The following SLC44A2 variants were observed in gnomAD, a reference collection of about 807,000 sequenced individuals.
The protein encoded by SLC44A2 is choline transporter-like protein 2.
Under a neutral mutation model 90.8 loss-of-function variants are expected in SLC44A2, and 57 were observed. That is an observed-to-expected ratio of 0.63 (90% CI 0.51 to 0.78). The LOEUF (loss-of-function observed/expected upper bound fraction) is 0.78, where lower values mean the gene tolerates loss of function less well. Ranked by LOEUF, SLC44A2 falls within the 30% of genes least tolerant of loss-of-function variation. The pLI is 0.00. For synonymous variants in SLC44A2, 355 were observed against 360.7 expected (o/e 0.98, Z 0.18); for missense variants, 794 against 919.7 (o/e 0.86, Z 1.77).
At chr19:10,606,345 G>T (rs747438986) in intron 1 of SLC44A2, among the ~76,000 whole-genome samples, 6 of 152,004 alleles carry the variant, frequency 3.9e-5, no homozygotes, top group Admixed American at 6.6e-5. Context: ...ATACAATTCA[G>T]CCTGCAGTGA....
chr19:10,631,187 T>A (rs763856450), intron 5 of SLC44A2, 46 bp downstream of exon 5: 3 of 1,606,570 alleles, frequency 1.9e-6, no homozygotes, highest in Non-Finnish European at 2.6e-6. Context: ...CCGCTTCCCA[T>A]CCTTTTCCCC....
At chr19:10,615,936 G>A (rs754299576) in intron 1 of SLC44A2, among the ~76,000 whole-genome samples, 5 of 151,890 alleles carry the variant, frequency 3.3e-5, no homozygotes, top group Admixed American at 6.6e-5. Context: ...CGGCCAAAGC[G>A]GGATTGCCTG....
rs369165882 is a variant in SLC44A2, at chr19:10,631,783, C to T, written c.626+34C>T. On this transcript the variant is annotated intron_variant, in intron 8 of 21. Coordinates refer to ENST00000335757, the MANE Select transcript of SLC44A2 (RefSeq NM_020428.4). ...ATTGGCGCACCGCGCCAGGGTCTCA[C>T]TTTGCTGGGTGGGACAGGCAATCCC... 2.5e-6 allele frequency: 4 copies of T among 1,614,000 alleles called. No homozygotes were observed. In the African/African-American group the frequency reaches 4.0e-5, roughly 16 times the overall value.
At chr19:10,608,452 C>CT (rs1321687840) in intron 1 of SLC44A2, among the ~76,000 whole-genome samples, 1 of 151,924 alleles carries the variant, frequency 6.6e-6, no homozygotes, top group East Asian at 1.9e-4. Context: ...TTATTTTAAA[C>CT]TTTTTTTCGA....
Position 10,636,981 on chromosome 19 carries a change from C to T in SLC44A2, c.1591+225C>T, listed in dbSNP as rs117962350. 545 of 516,850 alleles carry T rather than the reference C, an allele frequency of 1.1e-3. 5 individuals carry two copies. The East Asian group carries it at 0.017, about 16-fold the overall frequency. The allele number at this position is 516,850 out of a possible 1,614,324, so 32.0% of individuals were successfully genotyped here. ...GAATTCTTGCTGTTGAGGGGACAGG[C>T]CCAAGAGGCCTGGCCCACCATTGGT... On this transcript the variant is annotated intron_variant, in intron 16 of 21. Transcript: ENST00000335757.
intron 10 of SLC44A2, among the ~76,000 whole-genome samples, chr19:10,632,927 C>T (rs2067013330): frequency 6.6e-6 from 1 of 151,888 alleles, no homozygotes. Flanking sequence ...CCGCTTCAGC[C>T]TCCCAAAGTG....
intron 14 of SLC44A2, 117 bp from the exon 15 acceptor site, chr19:10,636,206 A>G: frequency 8.1e-7 from 1 of 1,239,322 alleles, no homozygotes; most frequent in Non-Finnish European, 1.1e-6. Flanking sequence ...CCTTAACTTC[A>G]ATCCCTATGT....
chr19:10,609,115 G>A (rs1348367451), intron 1 of SLC44A2, among the ~76,000 whole-genome samples: 7 of 151,180 alleles, frequency 4.6e-5, no homozygotes, highest in East Asian at 3.9e-4. Flanking sequence ...GTGCCACCAC[G>A]CCCAGCTAAT....
At chr19:10,620,098 C>T (rs1390368115) in intron 1 of SLC44A2, among the ~76,000 whole-genome samples, 2 of 152,052 alleles carry the variant, frequency 1.3e-5, no homozygotes, top group African/African-American at 4.8e-5. Context: ...ATCACTCGAG[C>T]CCAGCAGGTG....
chr19:10,637,031 T>A, intron 16 of SLC44A2: 1 of 441,020 alleles, frequency 2.3e-6, no homozygotes, highest in Non-Finnish European at 4.1e-6. Context: ...ATTGGAGTGG[T>A]ATATATTTGC....
At chr19:10,607,387 C>G (rs938575945) in intron 1 of SLC44A2, among the ~76,000 whole-genome samples, 2 of 151,950 alleles carry the variant, frequency 1.3e-5, no homozygotes, top group African/African-American at 2.4e-5. Flanking sequence ...ACTCTGTCAC[C>G]CAGGCTGGGC....
At chr19:10,614,642 T>TAA (rs1261230826) in intron 1 of SLC44A2, among the ~76,000 whole-genome samples, 1 of 152,176 alleles carries the variant, frequency 6.6e-6, no homozygotes, top group Non-Finnish European at 1.5e-5. Context: ...CTCTGTATTA[T>TAA]ATATATCGTA....
At chr19:10,618,565 C>T (rs1419721757) in intron 1 of SLC44A2, among the ~76,000 whole-genome samples, 4 of 150,000 alleles carry the variant, frequency 2.7e-5, no homozygotes, top group Admixed American at 6.7e-5. Context: ...CTGCAAGCTC[C>T]GCCTCCCTGG....
chr19:10,638,242 T>G lies in SLC44A2; in HGVS notation c.1856T>G (p.Phe619Cys). Reference protein sequence around the residue: ...IVGSVGILAFFFFTHRIRIVQ... With the variant: ...IVGSVGILAFCFFTHRIRIVQ... ...CCTTCTCCAGGGATCCTGGCTTTCTTCTTCTTCACCCACCGTATCAGGATC... is the reference window on the plus strand; with the variant it reads ...CCTTCTCCAGGGATCCTGGCTTTCTGCTTCTTCACCCACCGTATCAGGATC... The change falls in exon 20 of 22, where the codon TTC (phenylalanine) becomes TGC (cysteine). Residue 619 changes from phenylalanine (F) to cysteine (C), a missense_variant. Around this residue, in one of 3 missense-constraint regions of SLC44A2, gnomAD observed 738 missense variants for 841.1 expected, o/e 0.88. Transcript: ENST00000335757. 1 of 1,614,090 alleles carries G rather than the reference T, an allele frequency of 6.2e-7. No individual in the cohort carries two copies. The highest frequency in any genetic ancestry group is 8.5e-7 in the Non-Finnish European group (1 of 1,180,026).
At position 10,629,261 on chromosome 19, in the gene SLC44A2, CTATTAT is replaced by C. The variant is rs6146468; in HGVS notation, c.245+1272_245+1277del. Among the ~76,000 whole-genome samples the C allele has an allele frequency of 4.8e-5, 7 of 144,378 alleles. No individual in the cohort carries two copies. The Admixed American group carries it at 4.9e-4, about 10-fold the overall frequency. The allele number at this position is 144,378 out of a possible 152,430, so 94.7% of individuals were successfully genotyped here. A position where few individuals can be genotyped will look rare whatever the true frequency, so the allele number is the denominator to read the frequency against. On this transcript the variant is annotated intron_variant, in intron 4 of 21. Transcript: ENST00000335757. The stretch of plus-strand genomic sequence containing the variant: ...AGTTGCTGATGCTGCAGTTTTTAAA[CTATTAT>C]TATTATTATTATTACTATTATTATT...
upstream of SLC44A2, among the ~76,000 whole-genome samples, chr19:10,621,906 T>C (rs769977504): frequency 6.6e-6 from 1 of 152,146 alleles, no homozygotes; most frequent in East Asian, 1.9e-4. Flanking sequence ...CGTGAGCCAC[T>C]GCGCCTGGCC....
Position 10,613,913 on chromosome 19 carries a change from G to T in SLC44A2, c.31+11352G>T, listed in dbSNP as rs564285192. On this transcript the variant is annotated intron_variant, in intron 1 of 21. Transcript: ENST00000407327. The stretch of plus-strand genomic sequence containing the variant: ...ATTGTAGCCCAGTGAGATGCATTTT[G>T]TGCTTCTGTCCTCCTGAGCTGTGAG... 5.9e-4 allele frequency among the ~76,000 whole-genome samples: 89 copies of T among 152,136 alleles called. 1 individual carries two copies. Among genetic ancestry groups the T allele is most frequent in the Non-Finnish European group, 1.2e-3 (81 of 67,988 alleles).
At chr19:10,636,992 T>G in intron 16 of SLC44A2, 8 of 519,500 alleles carry the variant, frequency 1.5e-5, no homozygotes, top group East Asian at 3.3e-5. Flanking sequence ...CCAAGAGGCC[T>G]GGCCCACCAT....
Position 10,616,357 on chromosome 19 carries a change from A to G in SLC44A2, c.32-9896A>G, listed in dbSNP as rs548962674. Reference sequence around the variant, plus strand: ...AAGATTCTCTCACCTCAGGCTCGCAAGTAGCTGGGACTACAAAGGCATGTC... The same window carrying G: ...AAGATTCTCTCACCTCAGGCTCGCAGGTAGCTGGGACTACAAAGGCATGTC... On this transcript the variant is annotated intron_variant, in intron 1 of 21. Transcript: ENST00000407327. 4.6e-5 allele frequency among the ~76,000 whole-genome samples: 7 copies of G among 152,118 alleles called. No individual in the cohort carries two copies. In the South Asian group the frequency reaches 1.5e-3, roughly 32 times the overall value.
Sources: allele counts gnomAD v4.1 joint callset (sites outside exome capture counted in the v4.1 genomes callset), GRCh38; gene constraint gnomAD v4.1.1; regional missense constraint gnomAD v4.1.1; transcripts MANE v1.5; gene names NCBI Gene and HGNC (gene_info 2026-07-23, HGNC 2026-07-21).